ARHGEF19: variants seen among roughly 807,000 people sequenced by gnomAD.
ARHGEF19 encodes the protein Rho guanine nucleotide exchange factor 19, also known as Rho guanine nucleotide exchange factor (GEF) 19.
A neutral mutation model predicts 87.6 loss-of-function variants in ARHGEF19; 92 were observed. The observed-to-expected ratio is 1.05, with a 90% CI of 0.89 to 1.25. ARHGEF19 has a LOEUF of 1.25. ARHGEF19 is among the 50% of genes most tolerant of loss of function. The pLI, the probability that ARHGEF19 is intolerant of heterozygous loss-of-function variation, is 0.00. For missense variants in ARHGEF19, 1,054 were observed against 1,051.8 expected, an observed-to-expected ratio of 1.00 and a Z score of -0.03; for synonymous variants, 438 against 446.2, an observed-to-expected ratio of 0.98 and a Z score of 0.23.
Position 16,207,990 on chromosome 1 carries a change from T to A in ARHGEF19, c.648A>T (p.Ala216=). The A allele has an allele frequency of 6.2e-7, 1 of 1,611,878 alleles. No individual in the cohort carries two copies. The highest frequency in any genetic ancestry group is 8.5e-7 in the Non-Finnish European group (1 of 1,179,614). ...HSSLRLGRNS[A]ARALISGSGT... ...CTGACCCAGAGATGAGTGCCCGGGC[T>A]GCTGAATTCCGCCCCAGGCGCAGAG... The change falls in exon 3 of 16, where the codon GCA becomes GCT. Residue 216 remains alanine (A), a synonymous_variant. Coordinates refer to ENST00000270747, the MANE Select transcript of ARHGEF19 (RefSeq NM_153213.5). This position sits in a 1 kb window ranked among gnomAD's most constrained non-coding sequence, Gnocchi z 4.0.
At position 16,207,170 on chromosome 1, in the gene ARHGEF19, G is replaced by A. The variant is rs2100283959; in HGVS notation, c.915C>T (p.Arg305=). The part of the protein sequence containing the change: ...YQEYSDVASA[R]ELRRQQREEE... ...CCTCGCGCTGCTGCCGCCGCAGTTC[G>A]CGGGCGCTGGCCACGTCGCTGTATT... is the stretch of plus-strand genomic sequence containing the variant. Residue 305 remains arginine, a synonymous_variant, in exon 6 of 16, where the codon CGC becomes CGT. Transcript: ENST00000270747. The surrounding 1 kb of genome is among the most constrained non-coding windows in gnomAD (Gnocchi z 4.0). The A allele has an allele frequency of 2.0e-6, 3 of 1,529,822 alleles. No homozygotes were observed. Among genetic ancestry groups the A allele is most frequent in the East Asian group, 5.2e-5 (2 of 38,584 alleles). 94.8% of individuals were successfully genotyped at this position (1,529,822 alleles called of 1,614,324 possible).
At chr1:16,210,342 A>G (rs963960281) in intron 1 of ARHGEF19, among the ~76,000 whole-genome samples, 1 of 152,170 alleles carries the variant, frequency 6.6e-6, no homozygotes, top group African/African-American at 2.4e-5. Flanking sequence ...CGCTGTGGGC[A>G]GGCCGGGCAG....
chr1:16,199,837 C>T (rs1199657332), intron 14 of ARHGEF19, among the ~76,000 whole-genome samples: 2 of 151,956 alleles, frequency 1.3e-5, no homozygotes, highest in Non-Finnish European at 2.9e-5. Context: ...CCCTACTCTC[C>T]CCTCCACTTT....
At chr1:16,200,560 A>G (rs1347365288) in intron 14 of ARHGEF19, among the ~76,000 whole-genome samples, 3 of 151,952 alleles carry the variant, frequency 2.0e-5, no homozygotes, top group Non-Finnish European at 1.5e-5. Flanking sequence ...CATGGTCAAC[A>G]TGGCAAAACC....
rs147665966 is a variant in ARHGEF19 at position 16,205,632 on chromosome 1, C to T, written c.1487G>A (p.Arg496His). The T allele has an allele frequency of 1.6e-5, 25 of 1,612,804 alleles. No individual in the cohort carries two copies. The highest frequency in any genetic ancestry group is 5.3e-5 in the African/African-American group (4 of 74,840). ...CTGGCACACAGGAGACTCCTCCAGG[C>T]GAGCCAGGATGCCAGGGAACCTGGG... ...ENPRFPGILA[R>H]LEESPVCQRL... is the part of the protein sequence containing the mutation. The change falls in exon 9 of 16, where the codon CGC (arginine) becomes CAC (histidine). Residue 496 changes from arginine to histidine, a missense_variant. Arg to His is a conservative substitution (Grantham distance 29). Transcript: ENST00000270747. This position sits in a 1 kb window ranked among gnomAD's most constrained non-coding sequence, Gnocchi z 5.8.
chr1:16,211,114 CCTCGGT>C lies in ARHGEF19; in HGVS notation c.-30+1382_-30+1387del, dbSNP rs201973515. The stretch of plus-strand genomic sequence containing the variant: ...ACCCATCTGAGCGAGTCTCCCTAAG[CCTCGGT>C]CTCCTCATCCGGCAAATAGGATAGT... On this transcript the variant is annotated intron_variant, in intron 1 of 15. Coordinates refer to ENST00000270747, the MANE Select transcript of ARHGEF19 (RefSeq NM_153213.5). Among the ~76,000 whole-genome samples the C allele has an allele frequency of 1.2e-3, 177 of 152,338 alleles. No individual in the cohort carries two copies. In the East Asian group the frequency reaches 0.033, roughly 28 times the overall value.
chr1:16,201,810 C>T lies in ARHGEF19; in HGVS notation c.2118G>A (p.Glu706=), dbSNP rs369851801. The change falls in exon 14 of 16, where the codon GAG becomes GAA. Residue 706 remains glutamate, a synonymous_variant. Coordinates refer to ENST00000270747, the MANE Select transcript of ARHGEF19 (RefSeq NM_153213.5). ...CCCCCTCACTGATGACCTCCTTGTC[C>T]TCCTGGGGGCTGGAGGGGCACAAGG... The part of the protein sequence containing the change: ...ISALCPSSPQ[E]DKEVISEGED... The T allele has an allele frequency of 8.7e-6, 14 of 1,613,874 alleles. No individual in the cohort carries two copies. The African/African-American group carries it at 1.3e-4, about 15-fold the overall frequency.
At chr1:16,202,952 C>A (rs2081095962) in intron 12 of ARHGEF19, among the ~76,000 whole-genome samples, 1 of 152,150 alleles carries the variant, frequency 6.6e-6, no homozygotes, top group South Asian at 2.1e-4. Flanking sequence ...TCTCGGCTCA[C>A]CACAACCTCC....
In ARHGEF19 at chr1:16,206,249, T is replaced by C; in HGVS notation, c.1229A>G (p.Glu410Gly). 2 of 1,593,886 alleles carry C rather than the reference T, an allele frequency of 1.3e-6. No individual in the cohort carries two copies. The highest frequency in any genetic ancestry group is 1.7e-6 in the Non-Finnish European group (2 of 1,170,520). The change falls in exon 7 of 16, where the codon GAG becomes GGG. Residue 410 changes from glutamate to glycine, a missense_variant. Coordinates refer to ENST00000270747, the MANE Select transcript of ARHGEF19 (RefSeq NM_153213.5). This position sits in a 1 kb window ranked among gnomAD's most constrained non-coding sequence, Gnocchi z 4.6. ...GHFLGSAELS[E>G]CLGAQDKQWL... Reference sequence around the variant, plus strand: ...CTGCTTGTCCTGCGCCCCCAGACACTCGCTCAGCTCGGCAGAGCCTAAGAA... The same window carrying C: ...CTGCTTGTCCTGCGCCCCCAGACACCCGCTCAGCTCGGCAGAGCCTAAGAA...
Position 16,207,737 on chromosome 1 carries a change from G to C in ARHGEF19, c.735C>G (p.Ser245Arg), listed in dbSNP as rs1223907787. ...GGGCTGGCCGCGACACCCGGTCCCC[G>C]CTCATCTCTACACTTCGAGCCTCCA... is the stretch of plus-strand genomic sequence containing the variant. ...SGMEARSVEM[S>R]GDRVSRPAPG... Residue 245 changes from serine (S) to arginine (R), a missense_variant, in exon 4 of 16, where the codon AGC becomes AGG. By Grantham distance (110) the Ser-to-Arg change is moderately radical. Transcript: ENST00000270747. The surrounding 1 kb of genome is among the most constrained non-coding windows in gnomAD (Gnocchi z 4.0). The C allele has an allele frequency of 4.3e-6, 7 of 1,613,948 alleles. No homozygotes were observed. The South Asian group carries it at 7.7e-5, about 18-fold the overall frequency.
Position 16,207,150 on chromosome 1 carries a change from C to A in ARHGEF19, c.935G>T (p.Arg312Leu). The A allele has an allele frequency of 6.5e-7, 1 of 1,529,464 alleles. No homozygotes were observed. The highest frequency in any genetic ancestry group is 8.8e-7 in the Non-Finnish European group (1 of 1,142,018). 94.7% of individuals were successfully genotyped at this position (1,529,464 alleles called of 1,614,324 possible). The change falls in exon 6 of 16, where the codon CGC becomes CTC. Residue 312 changes from arginine (R) to leucine (L), a missense_variant. Arg to Leu is a moderately radical substitution (Grantham distance 102). Coordinates refer to ENST00000270747, the MANE Select transcript of ARHGEF19 (RefSeq NM_153213.5). This position sits in a 1 kb window ranked among gnomAD's most constrained non-coding sequence, Gnocchi z 4.0. ...ASARELRRQQ[R>L]EEEGPGDEAE... ...CTCGTCCCCCGGGCCCTCCTCCTCG[C>A]GCTGCTGCCGCCGCAGTTCGCGGGC... is the stretch of plus-strand genomic sequence containing the variant.
At position 16,207,772 on chromosome 1, in the gene ARHGEF19, C is replaced by A; in HGVS notation, c.700G>T (p.Ala234Ser). Reference sequence around the variant, plus strand: ...ACACTTCGAGCCTCCATTCCAGATGCTTTCCCTGGAGAGGGCGAGAACTGA... The same window carrying A: ...ACACTTCGAGCCTCCATTCCAGATGATTTCCCTGGAGAGGGCGAGAACTGA... ...SGTGAAREGK[A>S]SGMEARSVEM... Residue 234 changes from alanine (A) to serine (S), a missense_variant, in exon 4 of 16, where the codon GCA becomes TCA. Transcript: ENST00000270747. The surrounding 1 kb of genome is among the most constrained non-coding windows in gnomAD (Gnocchi z 4.0). 6.2e-7 allele frequency: 1 copy of A among 1,613,922 alleles called. No individual in the cohort carries two copies. Among genetic ancestry groups the A allele is most frequent in the Non-Finnish European group, 8.5e-7 (1 of 1,180,022 alleles).
intron 13 of ARHGEF19, among the ~76,000 whole-genome samples, chr1:16,202,086 C>T (rs1164021123): frequency 6.6e-6 from 1 of 151,930 alleles, no homozygotes; most frequent in Non-Finnish European, 1.5e-5. Context: ...CCCCTGGATG[C>T]CAGCCCTACC....
chr1:16,198,306 G>C lies in ARHGEF19; in HGVS notation c.*281C>G. 3.3e-6 allele frequency: 1 copy of C among 307,080 alleles called. No individual in the cohort carries two copies. Among genetic ancestry groups the C allele is most frequent in the East Asian group, 5.5e-5 (1 of 18,070 alleles). 19.0% of individuals were successfully genotyped at this position (307,080 alleles called of 1,614,324 possible). On this transcript the variant is annotated 3_prime_UTR_variant, in exon 16 of 16. Transcript: ENST00000270747. This position sits in a 1 kb window ranked among gnomAD's most constrained non-coding sequence, Gnocchi z 4.1. ...GGCAGGATTGAGGACATAGAAAGGA[G>C]AGGGCCCCAGTCTTTGCCAGGTATC...
intron 1 of ARHGEF19, among the ~76,000 whole-genome samples, chr1:16,209,810 G>A (rs2100294257): frequency 6.6e-6 from 1 of 152,362 alleles, no homozygotes; most frequent in East Asian, 1.9e-4. Flanking sequence ...CAGAGTTGCG[G>A]CCTTCAGTGC....
At position 16,201,813 on chromosome 1, in the gene ARHGEF19, C is replaced by G. The variant is rs1394123515; in HGVS notation, c.2115G>C (p.Gln705His). 1.6e-5 allele frequency: 26 copies of G among 1,613,776 alleles called. No homozygotes were observed. Among genetic ancestry groups the G allele is most frequent in the Non-Finnish European group, 2.0e-5 (24 of 1,179,868 alleles). Residue 705 changes from glutamine (Q) to histidine (H), a missense_variant, in exon 14 of 16, where the codon CAG becomes CAC. Transcript: ENST00000270747. ...CCTCACTGATGACCTCCTTGTCCTC[C>G]TGGGGGCTGGAGGGGCACAAGGCTG... ...WISALCPSSPQEDKEVISEGE... is the reference protein window; with the variant it reads ...WISALCPSSPHEDKEVISEGE...
In ARHGEF19 at chr1:16,205,462, T is replaced by C. The variant is rs1271523408; in HGVS notation, c.1582-37A>G. 1 of 1,612,288 alleles carries C rather than the reference T, an allele frequency of 6.2e-7. No individual in the cohort carries two copies. Among genetic ancestry groups the C allele is most frequent in the African/African-American group, 1.3e-5 (1 of 74,766 alleles). On this transcript the variant is annotated intron_variant, in intron 9 of 15. Transcript: ENST00000270747. The surrounding 1 kb of genome is among the most constrained non-coding windows in gnomAD (Gnocchi z 5.8). ...GATCAGCACAATGAGGCAGTCCTCA[T>C]ACTCCCGAGACCCGGCCCGCCCACA...
Position 16,198,595 on chromosome 1 carries a change from G to A in ARHGEF19, c.2401C>T (p.Pro801Ser), listed in dbSNP as rs771451144. The stretch of plus-strand genomic sequence containing the variant: ...TAGGCCATGGCTGCCCATCACACAG[G>A]AGCCTCCCCCAGTTTGCTGGTGGCA... ...TSATSKLGEA[P>S]V The change falls in exon 16 of 16, where the codon CCT becomes TCT. Residue 801 changes from proline to serine, a missense_variant. By Grantham distance (74) the Pro-to-Ser change is moderately conservative (BLOSUM62 -1). Transcript: ENST00000270747. This position sits in a 1 kb window ranked among gnomAD's most constrained non-coding sequence, Gnocchi z 4.1. The A allele has an allele frequency of 6.2e-7, 1 of 1,608,764 alleles. No individual in the cohort carries two copies. Among genetic ancestry groups the A allele is most frequent in the Non-Finnish European group, 8.5e-7 (1 of 1,177,086 alleles).
chr1:16,202,572 A>T lies in ARHGEF19; in HGVS notation c.1910T>A (p.Leu637Gln). The T allele has an allele frequency of 1.2e-6, 2 of 1,612,300 alleles. No homozygotes were observed. Among genetic ancestry groups the T allele is most frequent in the Non-Finnish European group, 1.7e-6 (2 of 1,178,642 alleles). ...DCLLLSRRKE[L>Q]GKFAVFVHAK... Reference sequence around the variant, plus strand: ...ATGGACGAAAACGGCAAACTTCCCTAGCCTGGAGGACCGGGGGAGGGGAGG... The same window carrying T: ...ATGGACGAAAACGGCAAACTTCCCTTGCCTGGAGGACCGGGGGAGGGGAGG... The change falls in exon 13 of 16, where the codon CTA becomes CAA. Residue 637 changes from leucine (L) to glutamine (Q), a missense_variant and splice_region_variant. Leu to Gln is a moderately radical substitution (Grantham distance 113). Coordinates refer to ENST00000270747, the MANE Select transcript of ARHGEF19 (RefSeq NM_153213.5).
Sources: allele counts gnomAD v4.1 joint callset (sites outside exome capture counted in the v4.1 genomes callset), GRCh38; gene constraint gnomAD v4.1.1; non-coding constraint Gnocchi (gnomAD v3.1); transcripts MANE v1.5; gene names NCBI Gene and HGNC (gene_info 2026-07-23, HGNC 2026-07-21).